Variants in VIPAS39 observed in about 807,000 individuals in gnomAD.
The protein encoded by VIPAS39 is spermatogenesis-defective protein 39 homolog.
In VIPAS39, 63 loss-of-function variants were observed where a neutral mutation model predicts 84.7. The observed-to-expected ratio is 0.74, with a 90% CI of 0.61 to 0.92. The LOEUF (loss-of-function observed/expected upper bound fraction) is 0.92, where lower values mean the gene tolerates loss of function less well. VIPAS39 is among the 40% of genes least tolerant of loss of function. The pLI, the probability that VIPAS39 is intolerant of heterozygous loss-of-function variation, is 0.00. For missense variants in VIPAS39, 499 were observed against 604.5 expected (o/e 0.83, Z 1.83); for synonymous variants, 192 against 216.5 (o/e 0.89, Z 0.99).
chr14:77,437,201 T>G (rs186790193), intron 12 of VIPAS39, among the ~76,000 whole-genome samples: 1 of 152,322 alleles, frequency 6.6e-6, no homozygotes, highest in African/African-American at 2.4e-5. Context: ...TACACCTGTC[T>G]TGAAAGATAC....
In VIPAS39 at chr14:77,435,962, A is replaced by G. The variant is rs886038667; in HGVS notation, c.837-43T>C. 5 of 1,606,824 alleles carry G rather than the reference A, an allele frequency of 3.1e-6. No individual in the cohort carries two copies. The highest frequency in any genetic ancestry group is 2.7e-5 in the African/African-American group (2 of 74,768). On this transcript the variant is annotated intron_variant, in intron 12 of 19. Transcript: ENST00000557658. ...GGTTAGTACCTTTCTCTATTCAAAC[A>G]AGGAAACAAACCCAACTAAACCAAA...
At chr14:77,444,692 C>T (rs1339212800) in intron 7 of VIPAS39, among the ~76,000 whole-genome samples, 1 of 151,890 alleles carries the variant, frequency 6.6e-6, no homozygotes, top group African/African-American at 2.4e-5. Flanking sequence ...CCTGCCTCAG[C>T]GTCCTAAGTA....
intron 13 of VIPAS39, 36 bp from the exon 14 acceptor site, chr14:77,435,429 A>AAAAG (rs2078594887): frequency 4.3e-6 from 7 of 1,610,264 alleles, no homozygotes; most frequent in African/African-American, 2.7e-5. Flanking sequence ...AAAAAAAAAA[A>AAAAG]CAATGTCCAT....
Position 77,429,736 on chromosome 14 carries a change from G to C in VIPAS39, c.1211C>G (p.Pro404Arg). 1.2e-6 allele frequency: 2 copies of C among 1,614,196 alleles called. No homozygotes were observed. The highest frequency in any genetic ancestry group is 1.7e-6 in the Non-Finnish European group (2 of 1,180,038). Reference sequence around the variant, plus strand: ...TTCGACAACCCGATGGAAGCCAATGGGTGCTCTCTTCTTGGTATAGCCCAG... The same window carrying C: ...TTCGACAACCCGATGGAAGCCAATGCGTGCTCTCTTCTTGGTATAGCCCAG... ...NWLGYTKKRA[P>R]IGFHRVVEIL... Residue 404 changes from proline (P) to arginine (R), a missense_variant, in exon 17 of 20, where the codon CCC (proline) becomes CGC (arginine). Transcript: ENST00000557658.
At chr14:77,443,721 C>T (rs1271730216) in intron 8 of VIPAS39, among the ~76,000 whole-genome samples, 2 of 152,008 alleles carry the variant, frequency 1.3e-5, no homozygotes, top group Non-Finnish European at 2.9e-5. Context: ...GTAGTGAAAC[C>T]CCATATCTAC....
Position 77,451,181 on chromosome 14 carries a change from CTTT to C in VIPAS39, c.343+3_343+5del. ...CTTCCCTATCCATTTAAGCATCTCT[CTTT>C]ACCTCTAAAAAAGCTGCTCAGGGAG... On this transcript the variant is annotated splice_donor_5th_base_variant and intron_variant, in intron 4 of 19. Transcript: ENST00000557658. The C allele has an allele frequency of 6.2e-7, 1 of 1,614,224 alleles. No homozygotes were observed. The highest frequency in any genetic ancestry group is 8.5e-7 in the Non-Finnish European group (1 of 1,180,036).
intron 10 of VIPAS39, among the ~76,000 whole-genome samples, chr14:77,442,300 A>G (rs1428422343): frequency 2.0e-5 from 3 of 152,170 alleles, no homozygotes; most frequent in Non-Finnish European, 4.4e-5. Context: ...TAACTTGGCC[A>G]AGGTCACTCA....
chr14:77,449,423 A>C, intron 5 of VIPAS39, 66 bp from the exon 6 acceptor site: 1 of 1,587,956 alleles, frequency 6.3e-7, no homozygotes, highest in Non-Finnish European at 8.6e-7. Flanking sequence ...CCTTCCCTCT[A>C]CTTCTTCGTT....
chr14:77,444,431 C>T (rs2078754147), intron 7 of VIPAS39, 90 bp from the exon 8 acceptor site: 13 of 1,163,228 alleles, frequency 1.1e-5, no homozygotes, highest in African/African-American at 4.6e-5. Context: ...AATAATGAAA[C>T]AAAATGTCCC....
chr14:77,455,533 G>A (rs1302672647), intron 1 of VIPAS39, among the ~76,000 whole-genome samples: 1 of 152,034 alleles, frequency 6.6e-6, no homozygotes, highest in Non-Finnish European at 1.5e-5. Flanking sequence ...AATGCCAACA[G>A]GATTAGAATG....
rs191190970 is a variant in VIPAS39 at position 77,433,491 on chromosome 14, G to A, written c.1179+351C>T. Among the ~76,000 whole-genome samples the A allele has an allele frequency of 1.7e-3, 254 of 152,280 alleles. 2 individuals carry two copies. Among genetic ancestry groups the A allele is most frequent in the Admixed American group, 2.7e-3 (41 of 15,294 alleles). On this transcript the variant is annotated intron_variant, in intron 16 of 19. Coordinates refer to ENST00000557658, the MANE Select transcript of VIPAS39 (RefSeq NM_001193315.2). ...GCTGGGATTATAGGCGTGAGCCACC[G>A]CGCCCAGCCCAATATTGTGCTTACG... is the stretch of plus-strand genomic sequence containing the variant.
chr14:77,452,049 AAG>A (rs1484149286), intron 3 of VIPAS39, among the ~76,000 whole-genome samples: 186 of 152,320 alleles, frequency 1.2e-3, no homozygotes, highest in African/African-American at 4.2e-3. Context: ...TAAAGAGCAA[AAG>A]ATTGAAAAAT....
At chr14:77,436,402 A>G (rs2078611716) in intron 12 of VIPAS39, among the ~76,000 whole-genome samples, 1 of 152,170 alleles carries the variant, frequency 6.6e-6, no homozygotes, top group East Asian at 1.9e-4. Flanking sequence ...AGCAAATATC[A>G]CAAATGTCAA....
intron 7 of VIPAS39, among the ~76,000 whole-genome samples, chr14:77,446,007 A>C (rs2078783308): frequency 6.6e-6 from 1 of 151,958 alleles, no homozygotes; most frequent in Non-Finnish European, 1.5e-5. Context: ...GTGTTTTGAA[A>C]CTACTTTCTC....
At chr14:77,430,323 T>A (rs879919158) in intron 16 of VIPAS39, among the ~76,000 whole-genome samples, 5 of 152,124 alleles carry the variant, frequency 3.3e-5, no homozygotes, top group Admixed American at 3.3e-4. Context: ...AAACAGAAAA[T>A]TTTTAAACCC....
chr14:77,428,291 T>C, intron 19 of VIPAS39, 79 bp downstream of exon 19: 2 of 1,327,242 alleles, frequency 1.5e-6, no homozygotes, highest in South Asian at 2.4e-5. Flanking sequence ...CTTCCAGACC[T>C]TGGGAACATA....
chr14:77,434,429 T>C, intron 14 of VIPAS39, 126 bp from the exon 15 acceptor site: 1 of 914,308 alleles, frequency 1.1e-6, no homozygotes, highest in Non-Finnish European at 1.8e-6. Flanking sequence ...AACATAGAAA[T>C]TAATTTCAGG....
intron 12 of VIPAS39, 127 bp from the exon 13 acceptor site, chr14:77,436,046 T>C: frequency 1.1e-6 from 1 of 899,234 alleles, no homozygotes; most frequent in Non-Finnish European, 1.8e-6. Flanking sequence ...CAGTTCACCT[T>C]TAGAGCGTCC....
intron 8 of VIPAS39, 133 bp from the exon 9 acceptor site, chr14:77,443,285 G>T: frequency 9.6e-7 from 1 of 1,042,104 alleles, no homozygotes; most frequent in Non-Finnish European, 1.5e-6. Flanking sequence ...GTGATGCAAG[G>T]AAAGCCAATG....
Sources: gnomAD v4.1 joint callset for allele counts (sites outside exome capture counted in the v4.1 genomes callset) on GRCh38, gnomAD v4.1.1 for gene constraint, MANE v1.5 for transcripts, NCBI Gene and HGNC (gene_info 2026-07-23, HGNC 2026-07-21) for gene names.